Variants in YIPF4 observed in about 807,000 individuals in gnomAD.
YIPF4 encodes the protein protein YIPF4.
In YIPF4, 18 loss-of-function variants were observed where a neutral mutation model predicts 29.4. The observed-to-expected ratio is 0.61, with a 90% confidence interval of 0.42 to 0.91. YIPF4 has a LOEUF of 0.91. Among genes scored for constraint, YIPF4 ranks in the 40% least tolerant of loss-of-function variants. The pLI, the probability that YIPF4 is intolerant of heterozygous loss-of-function variation, is 0.00. For synonymous variants in YIPF4, 115 were observed against 104.7 expected (o/e 1.10, Z -0.60); for missense variants, 279 against 282.7 (o/e 0.99, Z 0.09).
At position 32,310,011 on chromosome 2, in the gene YIPF4, C is replaced by G. The variant is rs1031254044; in HGVS notation, c.*4385C>G. On this transcript the variant is annotated 3_prime_UTR_variant, in exon 6 of 6. Transcript: ENST00000238831. The stretch of plus-strand genomic sequence containing the variant: ...GGCACTTTTGTTTTTAAAATAATAT[C>G]TTACTTTCATATGATTCTTTCAGAC... 2 of 151,610 alleles carry G rather than the reference C, an allele frequency of 1.3e-5. No homozygotes were observed. The highest frequency in any genetic ancestry group is 4.8e-5 in the African/African-American group (2 of 41,300). The allele number at this position is 151,610 out of a possible 1,614,324, so 9.4% of individuals were successfully genotyped here. A position where few individuals can be genotyped will look rare whatever the true frequency, so the allele number is the denominator to read the frequency against.
chr2:32,307,070 A>G lies in YIPF4; in HGVS notation c.*1444A>G. On this transcript the variant is annotated 3_prime_UTR_variant, in exon 6 of 6. Coordinates refer to ENST00000238831, the MANE Select transcript of YIPF4 (RefSeq NM_032312.4). ...GAGCACTTTTGAGCTAGAATAATGT[A>G]GAAAATTACATGTACTGATTTTTTT... is the stretch of plus-strand genomic sequence containing the variant. 1.6e-6 allele frequency: 2 copies of G among 1,266,222 alleles called. No individual in the cohort carries two copies. Among genetic ancestry groups the G allele is most frequent in the Non-Finnish European group, 2.1e-6 (2 of 971,550 alleles). 78.4% of individuals were successfully genotyped at this position (1,266,222 alleles called of 1,614,324 possible).
intron 4 of YIPF4, among the ~76,000 whole-genome samples, chr2:32,300,370 G>C (rs1156747757): frequency 6.6e-6 from 1 of 151,758 alleles, no homozygotes; most frequent in Non-Finnish European, 1.5e-5. Flanking sequence ...GGAGGCGGAG[G>C]TTGCGGTGAG....
At position 32,307,124 on chromosome 2, in the gene YIPF4, A is replaced by T. The variant is rs1385726259; in HGVS notation, c.*1498A>T. On this transcript the variant is annotated 3_prime_UTR_variant, in exon 6 of 6. Coordinates refer to ENST00000238831, the MANE Select transcript of YIPF4 (RefSeq NM_032312.4). ...AACAGGTGAGAAGCACCAGAGGGACAGGACTTCTAGAAGTTAGAATAATAT... is the reference window on the plus strand; with the variant it reads ...AACAGGTGAGAAGCACCAGAGGGACTGGACTTCTAGAAGTTAGAATAATAT... 3.1e-6 allele frequency: 4 copies of T among 1,299,830 alleles called. No individual in the cohort carries two copies. The Admixed American group carries it at 9.4e-5, about 31-fold the overall frequency. The allele number at this position is 1,299,830 out of a possible 1,614,324, so 80.5% of individuals were successfully genotyped here. A position where few individuals can be genotyped will look rare whatever the true frequency, so the allele number is the denominator to read the frequency against.
At chr2:32,301,347 C>A in intron 4 of YIPF4, 35 bp from the exon 5 acceptor site, 2 of 1,336,266 alleles carry the variant, frequency 1.5e-6, no homozygotes, top group Non-Finnish European at 2.1e-6. Context: ...ATCTTGATTT[C>A]AATGATATTT....
At chr2:32,301,336 T>G in intron 4 of YIPF4, 46 bp from the exon 5 acceptor site, 1 of 1,195,904 alleles carries the variant, frequency 8.4e-7, no homozygotes, top group Non-Finnish European at 1.2e-6. Context: ...TTAAAATGAG[T>G]ATCTTGATTT....
rs2031718086 is a variant in YIPF4 at position 32,311,666 on chromosome 2, G to T, written c.*6040G>T. On this transcript the variant is annotated 3_prime_UTR_variant, in exon 6 of 6. Transcript: ENST00000238831. ...TTGTTAATACTTACGAAAAAAGGAA[G>T]CATTCCCACCTGTAATAATTTTGTT... is the stretch of plus-strand genomic sequence containing the variant. The T allele has an allele frequency of 6.6e-6, 1 of 152,172 alleles. No individual in the cohort carries two copies. Among genetic ancestry groups the T allele is most frequent in the African/African-American group, 2.4e-5 (1 of 41,454 alleles). The allele number at this position is 152,172 out of a possible 1,614,324, so 9.4% of individuals were successfully genotyped here.
intron 1 of YIPF4, among the ~76,000 whole-genome samples, chr2:32,285,640 G>A (rs1311159016): frequency 6.6e-6 from 1 of 150,718 alleles, no homozygotes; most frequent in Non-Finnish European, 1.5e-5. Context: ...GTAGACAGAG[G>A]AATCTTTAGT....
At chr2:32,291,714 C>G (rs1160533871) in intron 2 of YIPF4, among the ~76,000 whole-genome samples, 8 of 152,146 alleles carry the variant, frequency 5.3e-5, no homozygotes, top group Admixed American at 5.2e-4. Context: ...TAACCCACAA[C>G]ACAAAGACAG....
rs1015621867 is a variant in YIPF4 at position 32,308,136 on chromosome 2, G to A, written c.*2510G>A. On this transcript the variant is annotated 3_prime_UTR_variant, in exon 6 of 6. Transcript: ENST00000238831. ...AATTTTGTTGTTGTTGTTTGAGACA[G>A]AGTCACTCTGTCACCCAAGCTGGAG... The A allele has an allele frequency of 2.6e-5, 4 of 151,838 alleles. No homozygotes were observed. The highest frequency in any genetic ancestry group is 9.6e-5 in the African/African-American group (4 of 41,468). 9.4% of individuals were successfully genotyped at this position (151,838 alleles called of 1,614,324 possible).
rs1249118826 is a variant in YIPF4, at chr2:32,293,664, A to C, written c.405+1316A>C. ...GGGGCTCCTCACTTCCCAGTAGGGG[A>C]GGCCGGGCAGAGGCACCCCTCACCT... On this transcript the variant is annotated intron_variant, in intron 3 of 5. Transcript: ENST00000238831. 2.7e-5 allele frequency among the ~76,000 whole-genome samples: 4 copies of C among 148,950 alleles called. No homozygotes were observed. In the South Asian group the frequency reaches 8.6e-4, roughly 32 times the overall value.
Position 32,301,451 on chromosome 2 carries a change from C to T in YIPF4, c.553C>T (p.Leu185Phe). The T allele has an allele frequency of 6.2e-7, 1 of 1,613,678 alleles. No individual in the cohort carries two copies. Among genetic ancestry groups the T allele is most frequent in the South Asian group, 1.1e-5 (1 of 91,072 alleles). ...LLPLIVIAPV[L>F]LVVGSFEVVS... ...TCCTCTCATTGTAATAGCCCCTGTA[C>T]TTTTGGTGGTTGGATCATTTGAAGT... Residue 185 changes from leucine to phenylalanine, a missense_variant, in exon 5 of 6, where the codon CTT becomes TTT. By Grantham distance (22) the Leu-to-Phe change is conservative. Transcript: ENST00000238831.
chr2:32,291,320 A>C (rs2030904680), intron 2 of YIPF4, among the ~76,000 whole-genome samples: 1 of 152,208 alleles, frequency 6.6e-6, no homozygotes, highest in African/African-American at 2.4e-5. Flanking sequence ...GAATCACTTG[A>C]GATTAGAAGT....
intron 4 of YIPF4, among the ~76,000 whole-genome samples, chr2:32,299,000 C>G (rs1376771536): frequency 6.6e-6 from 1 of 151,818 alleles, no homozygotes; most frequent in Non-Finnish European, 1.5e-5. Context: ...GCCTTAGCCT[C>G]CCGAGTAGCT....
chr2:32,279,873 G>A (rs1301195889), intron 1 of YIPF4, among the ~76,000 whole-genome samples: 2 of 148,950 alleles, frequency 1.3e-5, no homozygotes, highest in Non-Finnish European at 3.0e-5. Flanking sequence ...ACATAGCTGA[G>A]ACATTTATTT....
At chr2:32,303,063 A>G (rs1263453962) in intron 5 of YIPF4, among the ~76,000 whole-genome samples, 1 of 152,082 alleles carries the variant, frequency 6.6e-6, no homozygotes, top group Admixed American at 6.6e-5. Flanking sequence ...GTTCGTTACA[A>G]AGAGTTTATA....
rs541086981 is a variant in YIPF4 at position 32,313,725 on chromosome 2, A to T, written c.*8099A>T. On this transcript the variant is annotated 3_prime_UTR_variant, in exon 6 of 6. Coordinates refer to ENST00000238831, the MANE Select transcript of YIPF4 (RefSeq NM_032312.4). ...AATGTGCTTTATTTTATTTTATTAG[A>T]CAAAGTCTTGCTCTGTTGCCAGGCT... 6 of 146,998 alleles carry T rather than the reference A, an allele frequency of 4.1e-5. No homozygotes were observed. The highest frequency in any genetic ancestry group is 1.5e-4 in the African/African-American group (6 of 39,566). The allele number at this position is 146,998 out of a possible 1,614,324, so 9.1% of individuals were successfully genotyped here.
intron 4 of YIPF4, among the ~76,000 whole-genome samples, chr2:32,299,151 G>A (rs963156995): frequency 6.6e-6 from 1 of 152,214 alleles, no homozygotes; most frequent in East Asian, 1.9e-4. Context: ...TAGGATTACC[G>A]GTGTGAACCA....
At chr2:32,300,539 C>G (rs1192274198) in intron 4 of YIPF4, among the ~76,000 whole-genome samples, 1 of 151,554 alleles carries the variant, frequency 6.6e-6, no homozygotes, top group Non-Finnish European at 1.5e-5. Flanking sequence ...TAATAAAACT[C>G]TTGAATAAAT....
rs1366172387 is a variant in YIPF4, at chr2:32,309,797, T to C, written c.*4171T>C. The C allele has an allele frequency of 6.6e-6, 1 of 150,474 alleles. No homozygotes were observed. The highest frequency in any genetic ancestry group is 1.5e-5 in the Non-Finnish European group (1 of 67,780). The allele number at this position is 150,474 out of a possible 1,614,324, so 9.3% of individuals were successfully genotyped here. A position where few individuals can be genotyped will look rare whatever the true frequency, so the allele number is the denominator to read the frequency against. Reference sequence around the variant, plus strand: ...TCTGATTCCTGGGTTCAAGCAATTCTCATGTCTCAGCCTCCCTAATAGCTA... The same window carrying C: ...TCTGATTCCTGGGTTCAAGCAATTCCCATGTCTCAGCCTCCCTAATAGCTA... On this transcript the variant is annotated 3_prime_UTR_variant, in exon 6 of 6. Coordinates refer to ENST00000238831, the MANE Select transcript of YIPF4 (RefSeq NM_032312.4).
Sources: gnomAD v4.1 joint callset for allele counts (sites outside exome capture counted in the v4.1 genomes callset) on GRCh38, gnomAD v4.1.1 for gene constraint, MANE v1.5 for transcripts, NCBI Gene and HGNC (gene_info 2026-07-23, HGNC 2026-07-21) for gene names.